RGPD1: variants seen among roughly 807,000 people sequenced by gnomAD.
RGPD1 encodes the protein RANBP2 like and GRIP domain containing 1.
A neutral mutation model predicts 40.6 loss-of-function variants in RGPD1; 7 were observed. That is an observed-to-expected ratio of 0.17 (90% CI 0.10 to 0.32). RGPD1 has a LOEUF of 0.32. Among genes scored for constraint, RGPD1 ranks in the 10% least tolerant of loss-of-function variants. The probability of loss-of-function intolerance (pLI) is 1.00; values close to 1 mark genes in which losing one functional copy is unlikely to be tolerated. For synonymous variants in RGPD1, 24 were observed against 167.0 expected (o/e 0.14, Z 6.60); for missense variants, 50 against 472.5 (o/e 0.11, Z 8.29).
At chr2:86,943,839 C>T (rs774927938) in intron 1 of RGPD1, among the ~76,000 whole-genome samples, 4 of 151,970 alleles carry the variant, frequency 2.6e-5, no homozygotes, top group Admixed American at 6.6e-5. Flanking sequence ...GTCGAGACCT[C>T]GTCTCTACTA....
intron 1 of RGPD1, chr2:86,930,368 ATCC>A: frequency 7.7e-7 from 1 of 1,296,044 alleles, no homozygotes; most frequent in Admixed American, 1.8e-5. Context: ...GGTGAACCAC[ATCC>A]TCGTAGGCTG....
At chr2:86,944,744 G>A (rs1040015837) in intron 1 of RGPD1, among the ~76,000 whole-genome samples, 6 of 151,982 alleles carry the variant, frequency 3.9e-5, no homozygotes, top group South Asian at 4.1e-4. Context: ...GTCTCTTTCT[G>A]TCTCCCAGGC....
intron 1 of RGPD1, among the ~76,000 whole-genome samples, chr2:86,929,802 C>T (rs1294588772): frequency 1.4e-5 from 2 of 143,810 alleles, no homozygotes; most frequent in Admixed American, 6.9e-5. Context: ...CAATACTGCC[C>T]CTCTCCTCAG....
chr2:86,929,106 T>G (rs1361029419), intron 1 of RGPD1, among the ~76,000 whole-genome samples: 2 of 144,436 alleles, frequency 1.4e-5, no homozygotes, highest in African/African-American at 5.2e-5. Context: ...TTTGAAAGCA[T>G]TTAAGGCTTG....
chr2:86,914,883 CGGCCTCGACCTGGCCGGGCGGCGGCGGA>C (rs1180622046), intron 1 of RGPD1, among the ~76,000 whole-genome samples: 1 of 27,652 alleles, frequency 3.6e-5, no homozygotes, highest in Non-Finnish European at 6.7e-5. Context: ...GCGGCGGCGG[CGGCCTCGACCTGGCCGGGCGGCGGCGGA>C]GGCGGCGGCC....
intron 1 of RGPD1, among the ~76,000 whole-genome samples, chr2:86,924,308 A>G (rs932035434): frequency 2.2e-4 from 34 of 151,728 alleles, no homozygotes; most frequent in Admixed American, 1.4e-3. Context: ...GGTATGCGCC[A>G]CCATGCCTGG....
chr2:86,997,104 T>A (rs1343009062), intron 21 of RGPD1, among the ~76,000 whole-genome samples: 3 of 149,902 alleles, frequency 2.0e-5, no homozygotes, highest in Non-Finnish European at 2.9e-5. Flanking sequence ...CAGTGATACT[T>A]GGTAAGCTGC....
In RGPD1 at chr2:87,013,475, TTGA is replaced by T. The variant is rs1182870985; in HGVS notation, c.*933_*935del. The T allele has an allele frequency of 6.3e-6, 1 of 158,776 alleles. No homozygotes were observed. The highest frequency in any genetic ancestry group is 1.2e-5 in the Non-Finnish European group (1 of 81,220). 9.8% of individuals were successfully genotyped at this position (158,776 alleles called of 1,614,324 possible). Reference sequence around the variant, plus strand: ...AGTAAACAATATAAAATGAGATCACTTGATGATACATGGATACATGTTACATAC... The same window carrying T: ...AGTAAACAATATAAAATGAGATCACTTGATACATGGATACATGTTACATAC... On this transcript the variant is annotated 3_prime_UTR_variant, in exon 23 of 23. Coordinates refer to ENST00000641458, the MANE Select transcript of RGPD1 (RefSeq NM_001382344.1).
At chr2:86,931,507 A>G (rs1306626706) in intron 1 of RGPD1, among the ~76,000 whole-genome samples, 1 of 151,846 alleles carries the variant, frequency 6.6e-6, no homozygotes, top group Admixed American at 6.6e-5. Flanking sequence ...CAACCAAGAC[A>G]GTAGTCATTA....
intron 1 of RGPD1, among the ~76,000 whole-genome samples, chr2:86,945,159 C>T (rs528421016): frequency 2.4e-4 from 37 of 152,016 alleles, no homozygotes; most frequent in Admixed American, 1.7e-3. Context: ...AACTACATAA[C>T]GTCTCCATTA....
intron 1 of RGPD1, chr2:86,934,357 CAA>C (rs575604991): frequency 6.8e-4 from 65 of 96,164 alleles, no homozygotes; most frequent in African/African-American, 1.3e-3. Flanking sequence ...GTCTCTGTCT[CAA>C]AAAAAAAAAA....
At chr2:86,918,945 CCAT>C (rs1315611189) in intron 1 of RGPD1, among the ~76,000 whole-genome samples, 5 of 51,620 alleles carry the variant, frequency 9.7e-5, no homozygotes, top group African/African-American at 5.0e-4. Flanking sequence ...TAAAATATCT[CCAT>C]CATTTCTTCA....
At chr2:87,009,198 G>A (rs1194833311) in intron 22 of RGPD1, among the ~76,000 whole-genome samples, 1 of 36,486 alleles carries the variant, frequency 2.7e-5, no homozygotes, top group East Asian at 1.1e-3. Flanking sequence ...CCAGCTACTC[G>A]GGAGACTGAG....
chr2:86,932,015 C>A (rs1395802937), intron 1 of RGPD1, among the ~76,000 whole-genome samples: 3 of 147,342 alleles, frequency 2.0e-5, no homozygotes, highest in African/African-American at 4.9e-5. Flanking sequence ...AACATATAGA[C>A]AGAGAAGATA....
chr2:86,931,424 A>G (rs966021754), intron 1 of RGPD1, among the ~76,000 whole-genome samples: 10 of 150,380 alleles, frequency 6.6e-5, no homozygotes, highest in African/African-American at 2.2e-4. Flanking sequence ...TTCTGAGGAC[A>G]TTCTTATTCC....
chr2:86,954,796 G>T lies in RGPD1; in HGVS notation c.402+1146G>T, dbSNP rs1268055227. On this transcript the variant is annotated intron_variant, in intron 4 of 22. Transcript: ENST00000641458. ...GTTTTCTTTCATTTTATCATGTGTA[G>T]ATTCATACCACCACTACTGTCAAGA... Among the ~76,000 whole-genome samples, 3 of 149,470 alleles carry T rather than the reference G, an allele frequency of 2.0e-5. No individual in the cohort carries two copies. The Admixed American group carries it at 2.0e-4, about 10-fold the overall frequency.
intron 21 of RGPD1, among the ~76,000 whole-genome samples, chr2:86,997,226 C>T (rs1345437162): frequency 9.9e-5 from 6 of 60,794 alleles, no homozygotes; most frequent in African/African-American, 4.6e-4. Context: ...CTTCACCCCT[C>T]TTCCTTCCAA....
intron 20 of RGPD1, among the ~76,000 whole-genome samples, chr2:86,993,126 A>G (rs1360239725): frequency 6.6e-6 from 1 of 151,628 alleles, no homozygotes; most frequent in East Asian, 1.9e-4. Flanking sequence ...ATTTTGAACA[A>G]TCTCACACTT....
chr2:86,930,456 C>T lies in RGPD1; in HGVS notation c.72+16535C>T. ...GAAAGGACCAGCCCCATGGCATGCC[C>T]CATGATAAGCCAACAAGTTGATTTC... On this transcript the variant is annotated intron_variant, in intron 1 of 22. Transcript: ENST00000398193. The T allele has an allele frequency of 1.0e-5, 15 of 1,461,974 alleles. 4 individuals carry two copies. The highest frequency in any genetic ancestry group is 1.4e-5 in the Non-Finnish European group (15 of 1,060,506). The allele number at this position is 1,461,974 out of a possible 1,614,324, so 90.6% of individuals were successfully genotyped here.
Sources: gnomAD v4.1 joint callset for allele counts (sites outside exome capture counted in the v4.1 genomes callset) on GRCh38, gnomAD v4.1.1 for gene constraint, MANE v1.5 for transcripts, NCBI Gene and HGNC (gene_info 2026-07-23, HGNC 2026-07-21) for gene names.